The following CASP6 variants were observed in gnomAD, a reference collection of about 807,000 sequenced individuals.
The protein encoded by CASP6 is caspase 6, also known as caspase-6.
In CASP6, 20 loss-of-function variants were observed where a neutral mutation model predicts 31.8. The observed-to-expected ratio is 0.63, with a 90% CI of 0.44 to 0.91. CASP6 has a LOEUF of 0.91. Ranked by LOEUF, CASP6 falls within the 40% of genes least tolerant of loss-of-function variation. The pLI is 0.00. For synonymous variants in CASP6, 130 were observed against 127.8 expected (o/e 1.02, Z -0.12); for missense variants, 328 against 361.1 (o/e 0.91, Z 0.74).
At chr4:109,699,004 C>T (rs892592413) in intron 1 of CASP6, among the ~76,000 whole-genome samples, 4 of 152,174 alleles carry the variant, frequency 2.6e-5, no homozygotes, top group African/African-American at 9.7e-5. Context: ...GGAATTGTTC[C>T]GTATTTGCAC....
intron 5 of CASP6, among the ~76,000 whole-genome samples, chr4:109,693,804 T>C (rs944875778): frequency 2.0e-5 from 3 of 151,436 alleles, no homozygotes; most frequent in African/African-American, 7.3e-5. Context: ...AGTGGTATGC[T>C]CTCGGCTAAC....
At chr4:109,706,392 T>TAA (rs1730620560), upstream of CASP6, among the ~76,000 whole-genome samples, 1 of 151,740 alleles carries the variant, frequency 6.6e-6, no homozygotes, top group Admixed American at 6.6e-5. Flanking sequence ...CATCTCATGA[T>TAA]AAAACTTTGA....
At chr4:109,668,138 C>T in the CASP6 span, among the ~76,000 whole-genome samples, 1 of 152,078 alleles carries the variant, frequency 6.6e-6, no homozygotes, top group Non-Finnish European at 1.5e-5. Context: ...ATAGATGTCA[C>T]GTTTATCTCA....
At chr4:109,699,544 C>G (rs1428129023) in intron 1 of CASP6, among the ~76,000 whole-genome samples, 1 of 152,204 alleles carries the variant, frequency 6.6e-6, no homozygotes, top group African/African-American at 2.4e-5. Context: ...CAGTTTTGCT[C>G]AACCTTGGGC....
In CASP6 at chr4:109,694,559, C is replaced by A. The variant is rs762637513; in HGVS notation, c.449G>T (p.Ser150Ile). 6.2e-7 allele frequency: 1 copy of A among 1,608,096 alleles called. No individual in the cohort carries two copies. Among genetic ancestry groups the A allele is most frequent in the Admixed American group, 1.7e-5 (1 of 58,754 alleles). The change falls in exon 5 of 7, where the codon AGC becomes ATC. Residue 150 changes from serine to isoleucine, a missense_variant. Coordinates refer to ENST00000265164, the MANE Select transcript of CASP6 (RefSeq NM_001226.4). ...TGLFKGDKCH[S>I]LVGKPKIFII... The stretch of plus-strand genomic sequence containing the variant: ...AAATATCTTGGGTTTTCCAACCAGG[C>A]TGTGACACTTGTCTCCTTTGAACAA...
intron 5 of CASP6, among the ~76,000 whole-genome samples, chr4:109,691,494 C>T (rs959651967): frequency 6.6e-5 from 10 of 152,180 alleles, no homozygotes; most frequent in Non-Finnish European, 1.5e-4. Flanking sequence ...TACTAATGCA[C>T]CATCTTCCTT....
At chr4:109,696,295 TA>T in intron 4 of CASP6, 114 bp downstream of exon 4, 1 of 720,056 alleles carries the variant, frequency 1.4e-6, no homozygotes, top group Non-Finnish European at 2.3e-6. Flanking sequence ...TAACCTGTGC[TA>T]AATTAATACT....
At chr4:109,668,103 G>A in the CASP6 span, among the ~76,000 whole-genome samples, 1 of 152,052 alleles carries the variant, frequency 6.6e-6, no homozygotes, top group Non-Finnish European at 1.5e-5. Context: ...TTGAGAATGT[G>A]TATTGTGCTG....
At chr4:109,676,734 T>C in the CASP6 span, among the ~76,000 whole-genome samples, 2 of 152,236 alleles carry the variant, frequency 1.3e-5, no homozygotes, top group African/African-American at 4.8e-5. Context: ...TGTTTTCATA[T>C]CCAAGGACTT....
At chr4:109,692,885 C>T (rs1461553298) in intron 5 of CASP6, among the ~76,000 whole-genome samples, 2 of 152,146 alleles carry the variant, frequency 1.3e-5, no homozygotes, top group African/African-American at 2.4e-5. Context: ...TGGTAGGATG[C>T]GAAATGCAGT....
chr4:109,665,566 A>G, the CASP6 span, among the ~76,000 whole-genome samples: 2 of 152,094 alleles, frequency 1.3e-5, no homozygotes, highest in Non-Finnish European at 2.9e-5. Context: ...TAACCTCCAT[A>G]CTCCCTTCAT....
the CASP6 span, among the ~76,000 whole-genome samples, chr4:109,667,800 C>T: frequency 1.3e-5 from 2 of 150,698 alleles, no homozygotes; most frequent in East Asian, 3.9e-4. Flanking sequence ...CTATAGATTC[C>T]CCTCTGAGCA....
chr4:109,684,054 G>C (rs1380353011), downstream of CASP6, among the ~76,000 whole-genome samples: 2 of 149,300 alleles, frequency 1.3e-5, no homozygotes, highest in Non-Finnish European at 3.0e-5. Flanking sequence ...TTGTTCAAGA[G>C]TTCCTCTTTT....
downstream of CASP6, chr4:109,687,577 CAATG>C: frequency 6.2e-7 from 1 of 1,607,084 alleles, no homozygotes; most frequent in African/African-American, 1.3e-5. Flanking sequence ...TAGAAGAACT[CAATG>C]AAAAGAATTA....
chr4:109,704,670 T>C (rs1292454879), upstream of CASP6, among the ~76,000 whole-genome samples: 5 of 152,238 alleles, frequency 3.3e-5, no homozygotes, highest in African/African-American at 1.2e-4. Context: ...CATCAGGTTA[T>C]CCAGATCTAG....
At chr4:109,708,602 T>G in the CASP6 span, among the ~76,000 whole-genome samples, 2 of 152,172 alleles carry the variant, frequency 1.3e-5, no homozygotes, top group African/African-American at 4.8e-5. Context: ...GGTCTCTGAG[T>G]CCTGAAAACA....
At chr4:109,671,676 C>T in the CASP6 span, among the ~76,000 whole-genome samples, 1 of 152,196 alleles carries the variant, frequency 6.6e-6, no homozygotes, top group Admixed American at 6.5e-5. Context: ...GCTTTACTAT[C>T]CTACTCTGAT....
downstream of CASP6, chr4:109,684,535 G>A: frequency 6.2e-7 from 1 of 1,613,372 alleles, no homozygotes; most frequent in Non-Finnish European, 8.5e-7. Context: ...GTGGGGCACT[G>A]GCCTGGCTCA....
chr4:109,690,975 A>G lies in CASP6; in HGVS notation c.518T>C (p.Ile173Thr), dbSNP rs774706460. ...CRGNQHDVPVIPLDVVDNQTE... is the reference protein window; with the variant it reads ...CRGNQHDVPVTPLDVVDNQTE... The stretch of plus-strand genomic sequence containing the variant: ...CTGATTATCTACTACATCCAAAGGA[A>G]TGACTGGCACATCGTGCTGGTTTCC... Residue 173 changes from isoleucine to threonine, a missense_variant, in exon 6 of 7, where the codon ATT becomes ACT. Physicochemically the swap from Ile to Thr is moderately conservative, Grantham distance 89. Transcript: ENST00000265164. 1 of 1,613,388 alleles carries G rather than the reference A, an allele frequency of 6.2e-7. No homozygotes were observed. The highest frequency in any genetic ancestry group is 8.5e-7 in the Non-Finnish European group (1 of 1,179,694).
Sources: gnomAD v4.1 joint callset for allele counts (sites outside exome capture counted in the v4.1 genomes callset) on GRCh38, gnomAD v4.1.1 for gene constraint, MANE v1.5 for transcripts, NCBI Gene and HGNC (gene_info 2026-07-23, HGNC 2026-07-21) for gene names.